Variants in RBFOX1 observed in about 807,000 individuals in gnomAD.
RBFOX1 encodes the protein RNA binding protein fox-1 homolog 1.
A neutral mutation model predicts 57.7 loss-of-function variants in RBFOX1; 8 were observed. The ratio of observed to expected loss-of-function variants is 0.14; its 90% CI spans 0.08 to 0.25. The LOEUF is 0.25. RBFOX1 is among the 10% of genes least tolerant of loss of function. The probability of loss-of-function intolerance (pLI) is 1.00; values close to 1 mark genes in which losing one functional copy is unlikely to be tolerated. For synonymous variants in RBFOX1, 326 were observed against 222.4 expected (o/e 1.47, Z -4.15); for missense variants, 611 against 548.5 (o/e 1.11, Z -1.14).
intron 4 of RBFOX1, among the ~76,000 whole-genome samples, chr16:7,222,412 C>T (rs1211235855): frequency 1.3e-5 from 2 of 152,192 alleles, no homozygotes; most frequent in South Asian, 2.1e-4. Context: ...TTCATTCTTA[C>T]TGAACTGTTA....
chr16:7,100,344 G>T (rs1444825414), intron 4 of RBFOX1, among the ~76,000 whole-genome samples: 2 of 151,990 alleles, frequency 1.3e-5, no homozygotes, highest in African/African-American at 4.8e-5. Context: ...GAAAAAATTT[G>T]CTATATGAAG....
At chr16:6,845,051 C>G (rs1218014097) in intron 3 of RBFOX1, among the ~76,000 whole-genome samples, 2 of 152,088 alleles carry the variant, frequency 1.3e-5, no homozygotes, top group Non-Finnish European at 2.9e-5. Context: ...TGCACATTTG[C>G]TTGAGTTCCT....
chr16:7,434,447 G>C (rs190593796), intron 4 of RBFOX1, among the ~76,000 whole-genome samples: 3 of 151,734 alleles, frequency 2.0e-5, no homozygotes, highest in African/African-American at 4.8e-5. Flanking sequence ...ACTCCAGCCC[G>C]GGCGACAGAG....
intron 2 of RBFOX1, among the ~76,000 whole-genome samples, chr16:5,522,011 T>C (rs2044039275): frequency 1.3e-5 from 2 of 152,154 alleles, no homozygotes; most frequent in African/African-American, 4.8e-5. Flanking sequence ...GACTTCCTCA[T>C]CTCTGTATTC....
intron 4 of RBFOX1, among the ~76,000 whole-genome samples, chr16:7,396,640 C>G (rs948735722): frequency 6.6e-6 from 1 of 152,174 alleles, no homozygotes; most frequent in African/African-American, 2.4e-5. Flanking sequence ...GACAACACTT[C>G]TCAAAACACA....
intron 1 of RBFOX1, among the ~76,000 whole-genome samples, chr16:5,388,276 C>T (rs974091057): frequency 6.6e-6 from 1 of 152,162 alleles, no homozygotes; most frequent in African/African-American, 2.4e-5. Context: ...AGACATAGCA[C>T]ATCCCTTGGT....
chr16:6,790,168 T>TGTATTATTATTA (rs1567254659), intron 3 of RBFOX1, among the ~76,000 whole-genome samples: 37 of 68,582 alleles, frequency 5.4e-4, no homozygotes, highest in African/African-American at 2.8e-3. Context: ...TTTATTTTAT[T>TGTATTATTATTA]CTATTATTAT....
intron 3 of RBFOX1, among the ~76,000 whole-genome samples, chr16:6,792,223 C>G (rs1159594570): frequency 6.6e-6 from 1 of 152,036 alleles, no homozygotes; most frequent in African/African-American, 2.4e-5. Context: ...AATTTTAAAG[C>G]ACTATTGGAG....
At chr16:7,397,158 T>C (rs2098154400) in intron 4 of RBFOX1, among the ~76,000 whole-genome samples, 1 of 152,172 alleles carries the variant, frequency 6.6e-6, no homozygotes, top group African/African-American at 2.4e-5. Flanking sequence ...GTAAGATCTT[T>C]TACCAAAATG....
chr16:5,421,093 G>A (rs927429281), intron 1 of RBFOX1, among the ~76,000 whole-genome samples: 17 of 151,472 alleles, frequency 1.1e-4, no homozygotes, highest in Admixed American at 8.6e-4. Context: ...TGCAGCGTCC[G>A]CCTCCTAGCT....
chr16:6,464,763 G>C (rs1486852252), intron 2 of RBFOX1, among the ~76,000 whole-genome samples: 1 of 152,070 alleles, frequency 6.6e-6, no homozygotes, highest in East Asian at 1.9e-4. Flanking sequence ...TTTAATTACT[G>C]AGCTACAGCA....
At chr16:6,620,593 A>G (rs370877398) in intron 2 of RBFOX1, among the ~76,000 whole-genome samples, 6 of 152,146 alleles carry the variant, frequency 3.9e-5, no homozygotes, top group African/African-American at 1.2e-4. Flanking sequence ...ACAACAACAA[A>G]ACAAACGATT....
chr16:7,326,584 C>T (rs1193128733), intron 4 of RBFOX1, among the ~76,000 whole-genome samples: 1 of 152,108 alleles, frequency 6.6e-6, no homozygotes, highest in African/African-American at 2.4e-5. Context: ...TGGATGCCTT[C>T]CAAGCACCAG....
chr16:6,812,173 A>G (rs1783183980), intron 3 of RBFOX1, among the ~76,000 whole-genome samples: 1 of 152,184 alleles, frequency 6.6e-6, no homozygotes, highest in African/African-American at 2.4e-5. Context: ...TAAAGGCCCC[A>G]TAGGATTTTT....
chr16:7,022,768 A>T (rs956245687), intron 3 of RBFOX1, among the ~76,000 whole-genome samples: 1 of 152,188 alleles, frequency 6.6e-6, no homozygotes, highest in African/African-American at 2.4e-5. Flanking sequence ...AATGTTTGGT[A>T]TATTAGCTCA....
intron 3 of RBFOX1, among the ~76,000 whole-genome samples, chr16:6,720,456 G>T (rs77586325): frequency 6.6e-6 from 1 of 152,180 alleles, no homozygotes; most frequent in African/African-American, 2.4e-5. Context: ...TTATAGCATT[G>T]CAAGAATGGA....
intron 4 of RBFOX1, among the ~76,000 whole-genome samples, chr16:7,310,529 A>G (rs868744166): frequency 5.3e-5 from 8 of 152,312 alleles, no homozygotes; most frequent in Middle Eastern, 3.4e-3. Flanking sequence ...AAACTTCATC[A>G]AGGGGCATAC....
At chr16:7,660,383 TC>T (rs2067416309) in intron 12 of RBFOX1, among the ~76,000 whole-genome samples, 1 of 152,184 alleles carries the variant, frequency 6.6e-6, no homozygotes, top group Admixed American at 6.5e-5. Context: ...CAATGGTAAC[TC>T]CCTTCTCTCC....
intron 4 of RBFOX1, among the ~76,000 whole-genome samples, chr16:5,935,337 C>G (rs1597856767): frequency 1.3e-5 from 2 of 152,168 alleles, no homozygotes; most frequent in Non-Finnish European, 2.9e-5. Flanking sequence ...ACACGAGGAT[C>G]CATCCTGCGT....
Sources: gnomAD v4.1 joint callset for allele counts (sites outside exome capture counted in the v4.1 genomes callset) on GRCh38, gnomAD v4.1.1 for gene constraint, MANE v1.5 for transcripts, NCBI Gene and HGNC (gene_info 2026-07-23, HGNC 2026-07-21) for gene names.